The following GPBP1L1 variants were observed in gnomAD, a reference collection of about 807,000 sequenced individuals.
The protein encoded by GPBP1L1 is vasculin-like protein 1.
In GPBP1L1, 23 loss-of-function variants were observed where a neutral mutation model predicts 52.5. That is an observed-to-expected ratio of 0.44 (90% CI 0.32 to 0.62). The LOEUF is 0.62. Among genes scored for constraint, GPBP1L1 ranks in the 20% least tolerant of loss-of-function variants. The pLI is 0.06. For missense variants in GPBP1L1, 596 were observed against 579.3 expected (o/e 1.03, Z -0.30); for synonymous variants, 243 against 203.1 (o/e 1.20, Z -1.67).
At position 45,660,291 on chromosome 1, in the gene GPBP1L1, C is replaced by T. The variant is rs1644933476; in HGVS notation, c.-163G>A. ...TGCTTAAGTAACCTGGCCGGCAGCACGACTTATGATGAAGCACGAAGAAGC... is the reference window on the plus strand; with the variant it reads ...TGCTTAAGTAACCTGGCCGGCAGCATGACTTATGATGAAGCACGAAGAAGC... On this transcript the variant is annotated 5_prime_UTR_variant, in exon 3 of 13. The change creates a new upstream start codon in the 5' untranslated region. Coordinates refer to ENST00000355105, the MANE Select transcript of GPBP1L1 (RefSeq NM_021639.5). 3 of 985,134 alleles carry T rather than the reference C, an allele frequency of 3.0e-6. No homozygotes were observed. The highest frequency in any genetic ancestry group is 3.6e-6 in the Non-Finnish European group (3 of 829,930). The allele number at this position is 985,134 out of a possible 1,614,324, so 61.0% of individuals were successfully genotyped here. A position where few individuals can be genotyped will look rare whatever the true frequency, so the allele number is the denominator to read the frequency against.
chr1:45,662,672 T>C (rs962991502), intron 2 of GPBP1L1, among the ~76,000 whole-genome samples: 2 of 152,220 alleles, frequency 1.3e-5, no homozygotes, highest in African/African-American at 4.8e-5. Flanking sequence ...GTTTCAACTG[T>C]ATCTGTAATG....
At chr1:45,644,432 G>A (rs1331062356) in intron 6 of GPBP1L1, among the ~76,000 whole-genome samples, 1 of 152,082 alleles carries the variant, frequency 6.6e-6, no homozygotes, top group Non-Finnish European at 1.5e-5. Flanking sequence ...ATAAGTTAAT[G>A]GGTAAAAGTT....
chr1:45,651,716 T>G (rs1171024425), intron 6 of GPBP1L1: 1 of 458,314 alleles, frequency 2.2e-6, no homozygotes, highest in African/African-American at 2.0e-5. Flanking sequence ...AATGCCAAAA[T>G]TCTTAGGCCT....
intron 4 of GPBP1L1, chr1:45,658,825 C>A (rs1221764596): frequency 5.6e-6 from 3 of 537,408 alleles, no homozygotes; most frequent in African/African-American, 3.9e-5. Flanking sequence ...GCCTGTAGGC[C>A]CAGCTACTCT....
chr1:45,629,554 A>G, intron 12 of GPBP1L1, 22 bp downstream of exon 12: 1 of 1,427,588 alleles, frequency 7.0e-7, no homozygotes, highest in East Asian at 2.4e-5. Flanking sequence ...ACTGGTCTCT[A>G]GGAAGAAGGT....
chr1:45,670,271 T>C (rs749620393), intron 2 of GPBP1L1, among the ~76,000 whole-genome samples: 5 of 152,256 alleles, frequency 3.3e-5, no homozygotes, highest in African/African-American at 4.8e-5. Flanking sequence ...TCCCTTTTTA[T>C]AGGATACCTA....
intron 6 of GPBP1L1, chr1:45,654,304 TAAATA>T: frequency 2.6e-6 from 1 of 377,896 alleles, no homozygotes; most frequent in Non-Finnish European, 4.8e-6. Context: ...TAAGAGAAAT[TAAATA>T]TTTTTCTAAA....
chr1:45,650,207 A>G lies in GPBP1L1; in HGVS notation c.477+4336T>C, dbSNP rs561836193. 4.7e-4 allele frequency among the ~76,000 whole-genome samples: 72 copies of G among 152,224 alleles called. 1 individual carries two copies. Among genetic ancestry groups the G allele is most frequent in the African/African-American group, 1.5e-3 (63 of 41,532 alleles). ...TTCTTACTCCTCAGGTTTCAAACACATCCAAGTCTCCTAATCCTAGAACAC... is the reference window on the plus strand; with the variant it reads ...TTCTTACTCCTCAGGTTTCAAACACGTCCAAGTCTCCTAATCCTAGAACAC... On this transcript the variant is annotated intron_variant, in intron 6 of 12. Transcript: ENST00000355105.
chr1:45,645,957 T>TAGAAAATC (rs1644739990), intron 6 of GPBP1L1: 10 of 494,898 alleles, frequency 2.0e-5, no homozygotes, highest in South Asian at 1.3e-4. Flanking sequence ...TTTCTAGATC[T>TAGAAAATC]TTGAGTTGCA....
chr1:45,633,538 T>C lies in GPBP1L1; in HGVS notation c.995A>G (p.Asp332Gly). ...KSEFLKTLKD[D>G]RNGDFSENRD... ...ATTCTCTGAGAAGTCTCCATTCCGGTCATCCTTCAGAGTTTTCAGGAACTC... is the reference window on the plus strand; with the variant it reads ...ATTCTCTGAGAAGTCTCCATTCCGGCCATCCTTCAGAGTTTTCAGGAACTC... Residue 332 changes from aspartate to glycine, a missense_variant, in exon 10 of 13, where the codon GAC becomes GGC. Asp to Gly is a moderately conservative substitution (Grantham distance 94). Transcript: ENST00000355105. 6.2e-7 allele frequency: 1 copy of C among 1,614,064 alleles called. No homozygotes were observed.
chr1:45,648,404 C>G lies in GPBP1L1; in HGVS notation c.478-5905G>C, dbSNP rs1644778784. Among the ~76,000 whole-genome samples the G allele has an allele frequency of 2.6e-5, 4 of 152,166 alleles. No individual in the cohort carries two copies. The South Asian group carries it at 8.3e-4, about 31-fold the overall frequency. Reference sequence around the variant, plus strand: ...TCCAGTCAGATCCTTCATACCTTATCCCAGAGCCCCTGTATTTACTTGTTA... The same window carrying G: ...TCCAGTCAGATCCTTCATACCTTATGCCAGAGCCCCTGTATTTACTTGTTA... On this transcript the variant is annotated intron_variant, in intron 6 of 12. Coordinates refer to ENST00000355105, the MANE Select transcript of GPBP1L1 (RefSeq NM_021639.5).
chr1:45,667,126 C>CAA (rs1645019657), intron 2 of GPBP1L1, among the ~76,000 whole-genome samples: 3 of 152,170 alleles, frequency 2.0e-5, no homozygotes, highest in Non-Finnish European at 2.9e-5. Flanking sequence ...GTGATGGTTG[C>CAA]ACAACGCTGA....
At chr1:45,628,712 A>G (rs749818763) in intron 12 of GPBP1L1, among the ~76,000 whole-genome samples, 22 of 152,178 alleles carry the variant, frequency 1.4e-4, no homozygotes, top group Non-Finnish European at 2.6e-4. Flanking sequence ...CACCCAGGCT[A>G]GAGTGCAATG....
chr1:45,683,396 G>A (rs1645236261), intron 2 of GPBP1L1, among the ~76,000 whole-genome samples: 1 of 150,308 alleles, frequency 6.7e-6, no homozygotes, highest in South Asian at 2.1e-4. Flanking sequence ...TAGTAGAGAC[G>A]GGGTTTCACA....
At chr1:45,630,785 A>C in intron 10 of GPBP1L1, 179 bp from the exon 11 acceptor site, 1 of 613,330 alleles carries the variant, frequency 1.6e-6, no homozygotes. Context: ...CTGATTCTAA[A>C]GTTTTAATGA....
At chr1:45,672,040 C>T (rs1645079335) in intron 2 of GPBP1L1, among the ~76,000 whole-genome samples, 1 of 151,990 alleles carries the variant, frequency 6.6e-6, no homozygotes, top group South Asian at 2.1e-4. Context: ...AAACTTTTCT[C>T]CATAAAGATG....
intron 7 of GPBP1L1, among the ~76,000 whole-genome samples, chr1:45,641,017 A>G (rs1443050157): frequency 1.3e-5 from 2 of 152,124 alleles, no homozygotes; most frequent in Admixed American, 1.3e-4. Flanking sequence ...CCTAACTCAA[A>G]AAAACAAAAA....
intron 8 of GPBP1L1, 97 bp downstream of exon 8, chr1:45,640,113 G>T: frequency 2.4e-6 from 2 of 848,490 alleles, no homozygotes; most frequent in South Asian, 1.7e-5. Flanking sequence ...AATATCTGGT[G>T]ACTGATGCGG....
At chr1:45,654,851 C>A in intron 5 of GPBP1L1, 22 bp from the exon 6 acceptor site, 1 of 1,601,808 alleles carries the variant, frequency 6.2e-7, no homozygotes. Flanking sequence ...AAGAAAAGGA[C>A]TAATTAGATT....
Sources: gnomAD v4.1 joint callset for allele counts (sites outside exome capture counted in the v4.1 genomes callset) on GRCh38, gnomAD v4.1.1 for gene constraint, MANE v1.5 for transcripts, NCBI Gene and HGNC (gene_info 2026-07-23, HGNC 2026-07-21) for gene names.